ZFHX3: variants seen among roughly 807,000 people sequenced by gnomAD.
The protein encoded by ZFHX3 is zinc finger homeobox 3.
In ZFHX3, 42 loss-of-function variants were observed where a neutral mutation model predicts 279.1. That is an observed-to-expected ratio of 0.15 (90% CI 0.12 to 0.19). ZFHX3 has a LOEUF of 0.19. Among genes scored for constraint, ZFHX3 ranks in the 10% least tolerant of loss-of-function variants. The probability of loss-of-function intolerance (pLI) is 1.00; values close to 1 mark genes in which losing one functional copy is unlikely to be tolerated. For missense variants in ZFHX3, 4,981 were observed against 4,754.0 expected (o/e 1.05, Z -1.40); for synonymous variants, 2,293 against 1,957.8 (o/e 1.17, Z -4.52).
intron 3 of ZFHX3, among the ~76,000 whole-genome samples, chr16:73,363,957 G>C (rs1413122052): frequency 6.6e-6 from 1 of 152,152 alleles, no homozygotes; most frequent in Admixed American, 6.5e-5. Context: ...TGGATCACTT[G>C]AGATCAGGAG....
At chr16:73,507,807 ACTTTTTACCTGGGAG>A (rs2019354621) in intron 2 of ZFHX3, among the ~76,000 whole-genome samples, 1 of 152,112 alleles carries the variant, frequency 6.6e-6, no homozygotes, top group Non-Finnish European at 1.5e-5. Flanking sequence ...GGCCTCTGCC[ACTTTTTACCTGGGAG>A]ATTACAGACA....
At chr16:73,833,657 G>A (rs1961060053) in intron 1 of ZFHX3, among the ~76,000 whole-genome samples, 1 of 151,890 alleles carries the variant, frequency 6.6e-6, no homozygotes, top group South Asian at 2.1e-4. Context: ...TAATGTAGAT[G>A]ATGGGTTGAT....
chr16:73,067,694 C>G (rs1010232065), intron 8 of ZFHX3, among the ~76,000 whole-genome samples: 1 of 152,208 alleles, frequency 6.6e-6, no homozygotes, highest in Non-Finnish European at 1.5e-5. Flanking sequence ...TCCCTTTGCA[C>G]AGAGCACTCA....
intron 1 of ZFHX3, among the ~76,000 whole-genome samples, chr16:73,709,117 T>C (rs1597076115): frequency 6.6e-6 from 1 of 152,102 alleles, no homozygotes; most frequent in South Asian, 2.1e-4. Flanking sequence ...TTATTCACAA[T>C]GGCCAAGACA....
intron 2 of ZFHX3, among the ~76,000 whole-genome samples, chr16:73,538,626 T>C (rs556127443): frequency 6.6e-6 from 1 of 152,288 alleles, no homozygotes; most frequent in South Asian, 2.1e-4. Context: ...CCATCTCCCA[T>C]GCAAATGGCC....
chr16:73,781,857 T>C (rs545289378), intron 1 of ZFHX3, among the ~76,000 whole-genome samples: 2 of 152,084 alleles, frequency 1.3e-5, no homozygotes, highest in South Asian at 4.1e-4. Context: ...TGTGGTGGTG[T>C]GCATCTGTAA....
chr16:72,960,213 G>A lies in ZFHX3; in HGVS notation c.-49-19C>T, dbSNP rs1393805066. The A allele has an allele frequency of 3.4e-6, 5 of 1,481,104 alleles. No homozygotes were observed. Among genetic ancestry groups the A allele is most frequent in the African/African-American group, 2.8e-5 (2 of 71,094 alleles). The allele number at this position is 1,481,104 out of a possible 1,614,324, so 91.7% of individuals were successfully genotyped here. The stretch of plus-strand genomic sequence containing the variant: ...CTCGGACCTGAAGGGCAGAGGCAAG[G>A]GGGGAGGAGGGAGAGAGGGGAAAGA... On this transcript the variant is annotated intron_variant, in intron 1 of 9. Coordinates refer to ENST00000268489, the MANE Select transcript of ZFHX3 (RefSeq NM_006885.4).
At chr16:73,220,211 G>C (rs1029497544) in intron 5 of ZFHX3, among the ~76,000 whole-genome samples, 1 of 152,154 alleles carries the variant, frequency 6.6e-6, no homozygotes, top group Non-Finnish European at 1.5e-5. Context: ...GAAGGGAGTA[G>C]GGGGCAAGGG....
intron 3 of ZFHX3, among the ~76,000 whole-genome samples, chr16:73,399,574 G>C (rs1450271563): frequency 6.6e-6 from 1 of 152,122 alleles, no homozygotes; most frequent in Non-Finnish European, 1.5e-5. Flanking sequence ...ATGGGTTGAT[G>C]AGTTTATTCA....
intron 1 of ZFHX3, among the ~76,000 whole-genome samples, chr16:73,806,402 G>C (rs1960276919): frequency 6.6e-6 from 1 of 152,226 alleles, no homozygotes; most frequent in South Asian, 2.1e-4. Context: ...CAAGAGATCA[G>C]AGATGGAGCC....
At chr16:73,785,686 G>A (rs371302810) in intron 1 of ZFHX3, among the ~76,000 whole-genome samples, 5 of 152,224 alleles carry the variant, frequency 3.3e-5, no homozygotes, top group East Asian at 3.9e-4. Context: ...TGGGCATTAA[G>A]TTCTACACTG....
At chr16:73,697,254 A>C (rs1408140512) in intron 1 of ZFHX3, among the ~76,000 whole-genome samples, 2 of 152,044 alleles carry the variant, frequency 1.3e-5, no homozygotes, top group Non-Finnish European at 2.9e-5. Context: ...ACAATCTGGA[A>C]AGTAGAGATC....
intron 1 of ZFHX3, among the ~76,000 whole-genome samples, chr16:73,709,880 A>G (rs1312543472): frequency 6.6e-6 from 1 of 152,212 alleles, no homozygotes; most frequent in Admixed American, 6.5e-5. Context: ...CAAGTTGTAC[A>G]TCATAAATAC....
At chr16:73,595,899 A>G (rs2052044359) in intron 2 of ZFHX3, among the ~76,000 whole-genome samples, 1 of 152,208 alleles carries the variant, frequency 6.6e-6, no homozygotes, top group African/African-American at 2.4e-5. Context: ...TATAACTCTG[A>G]AGTGGCTTTC....
chr16:72,924,873 C>T lies in ZFHX3; in HGVS notation c.3216+25596G>A, dbSNP rs370248498. 4.1e-4 allele frequency among the ~76,000 whole-genome samples: 63 copies of T among 152,304 alleles called. 1 individual carries two copies. Among genetic ancestry groups the T allele is most frequent in the African/African-American group, 1.3e-3 (55 of 41,566 alleles). On this transcript the variant is annotated intron_variant, in intron 3 of 9. Transcript: ENST00000268489. ...ACCTCCTGGGTTTTCTTCCTCTGGG[C>T]ACTTCTGTCCTATGGGACTTCAGTC...
intron 2 of ZFHX3, among the ~76,000 whole-genome samples, chr16:73,673,956 G>A (rs1377948853): frequency 1.3e-5 from 2 of 152,064 alleles, no homozygotes; most frequent in African/African-American, 2.4e-5. Flanking sequence ...GTCAGGTGAC[G>A]AACACCAAAC....
intron 4 of ZFHX3, among the ~76,000 whole-genome samples, chr16:72,848,929 G>A (rs1314661056): frequency 7.9e-5 from 12 of 151,728 alleles, no homozygotes; most frequent in Admixed American, 2.6e-4. Context: ...GCAGAGCGCC[G>A]GGCTGCCAGG....
At chr16:73,439,601 A>C (rs2018051330) in intron 3 of ZFHX3, among the ~76,000 whole-genome samples, 1 of 152,136 alleles carries the variant, frequency 6.6e-6, no homozygotes. Context: ...AATTAGACTG[A>C]ATATACATTT....
intron 1 of ZFHX3, among the ~76,000 whole-genome samples, chr16:73,764,832 A>G (rs2142285863): frequency 6.6e-6 from 1 of 152,206 alleles, no homozygotes; most frequent in Admixed American, 6.5e-5. Flanking sequence ...CCCTAAATTC[A>G]TCTCCATCTC....
Sources: allele counts gnomAD v4.1 joint callset (sites outside exome capture counted in the v4.1 genomes callset), GRCh38; gene constraint gnomAD v4.1.1; transcripts MANE v1.5; gene names NCBI Gene and HGNC (gene_info 2026-07-23, HGNC 2026-07-21).